The following CLDN10 variants were observed in gnomAD, a reference collection of about 807,000 sequenced individuals.
CLDN10 encodes the protein claudin-10.
In CLDN10, 15 loss-of-function variants were observed where a neutral mutation model predicts 22.9. The observed-to-expected ratio is 0.65, with a 90% confidence interval of 0.44 to 1.01. CLDN10 has a LOEUF of 1.01. CLDN10 is among the 50% of genes least tolerant of loss of function. The pLI is 0.00. For synonymous variants in CLDN10, 114 were observed against 111.4 expected (o/e 1.02, Z -0.15); for missense variants, 247 against 287.8 (o/e 0.86, Z 1.03).
At chr13:95,556,041 G>A (rs1486780081) in intron 1 of CLDN10, among the ~76,000 whole-genome samples, 1 of 151,840 alleles carries the variant, frequency 6.6e-6, no homozygotes, top group Non-Finnish European at 1.5e-5. Context: ...TCATTATTCT[G>A]AATTTCTTTT....
intron 1 of CLDN10, among the ~76,000 whole-genome samples, chr13:95,525,574 C>T (rs963001156): frequency 6.6e-6 from 1 of 152,120 alleles, no homozygotes; most frequent in Non-Finnish European, 1.5e-5. Context: ...CTCACTGCAA[C>T]CTCCACCTCC....
At chr13:95,564,467 T>A (rs936928663) in intron 3 of CLDN10, among the ~76,000 whole-genome samples, 2 of 152,230 alleles carry the variant, frequency 1.3e-5, no homozygotes, top group Non-Finnish European at 2.9e-5. Flanking sequence ...ACTTGTCACA[T>A]GTTCTAGTTT....
At chr13:95,462,696 G>A (rs1594535216) in intron 1 of CLDN10, among the ~76,000 whole-genome samples, 1 of 151,878 alleles carries the variant, frequency 6.6e-6, no homozygotes, top group African/African-American at 2.4e-5. Flanking sequence ...TGGAGAAGAA[G>A]ACAAAAAACA....
At chr13:95,540,984 T>C (rs1200662258) in intron 1 of CLDN10, among the ~76,000 whole-genome samples, 1 of 152,246 alleles carries the variant, frequency 6.6e-6, no homozygotes, top group Non-Finnish European at 1.5e-5. Context: ...AGTTGACAAG[T>C]ATGTGACTTG....
intron 1 of CLDN10, among the ~76,000 whole-genome samples, chr13:95,506,487 G>T (rs989201429): frequency 6.6e-6 from 1 of 152,104 alleles, no homozygotes; most frequent in African/African-American, 2.4e-5. Context: ...GCCCTCTACT[G>T]CCTCTCTTCT....
intron 1 of CLDN10, among the ~76,000 whole-genome samples, chr13:95,513,408 A>G (rs1172774851): frequency 1.3e-5 from 2 of 152,202 alleles, no homozygotes; most frequent in Non-Finnish European, 2.9e-5. Context: ...AATTAACATA[A>G]TGACTAAAAA....
At chr13:95,488,310 A>G (rs2042828160) in intron 1 of CLDN10, among the ~76,000 whole-genome samples, 1 of 151,286 alleles carries the variant, frequency 6.6e-6, no homozygotes, top group Admixed American at 6.6e-5. Flanking sequence ...CCAATGTAAT[A>G]GAATTACAGG....
intron 1 of CLDN10, among the ~76,000 whole-genome samples, chr13:95,546,313 C>T (rs529489263): frequency 1.6e-4 from 24 of 152,036 alleles, no homozygotes; most frequent in Non-Finnish European, 3.4e-4. Flanking sequence ...CACATTGAAA[C>T]CTCACCTCCA....
At chr13:95,453,074 T>C (rs1337868197) in intron 1 of CLDN10, among the ~76,000 whole-genome samples, 2 of 152,196 alleles carry the variant, frequency 1.3e-5, no homozygotes, top group African/African-American at 4.8e-5. Flanking sequence ...GTTTTTGGTT[T>C]TGTTTTGTTT....
chr13:95,571,531 G>C (rs1375305032), intron 3 of CLDN10, among the ~76,000 whole-genome samples: 1 of 152,168 alleles, frequency 6.6e-6, no homozygotes, highest in Non-Finnish European at 1.5e-5. Flanking sequence ...AGAGGGGGAG[G>C]CTGAGCGTCT....
At chr13:95,529,508 C>T (rs1437515203) in intron 1 of CLDN10, among the ~76,000 whole-genome samples, 1 of 152,028 alleles carries the variant, frequency 6.6e-6, no homozygotes, top group Admixed American at 6.6e-5. Context: ...GAACTTCAGT[C>T]CTTTGCAGTA....
At chr13:95,450,633 A>G (rs1352320521) in intron 1 of CLDN10, among the ~76,000 whole-genome samples, 4 of 152,200 alleles carry the variant, frequency 2.6e-5, no homozygotes, top group African/African-American at 9.6e-5. Flanking sequence ...TCCGCAGCAC[A>G]TAAGGCCCAT....
At chr13:95,481,204 C>T (rs1293378623) in intron 1 of CLDN10, among the ~76,000 whole-genome samples, 1 of 152,200 alleles carries the variant, frequency 6.6e-6, no homozygotes, top group Non-Finnish European at 1.5e-5. Flanking sequence ...CAGGAGGACG[C>T]ATGCCCTTGA....
intron 1 of CLDN10, among the ~76,000 whole-genome samples, chr13:95,525,361 AGTT>A (rs766554242): frequency 6.6e-6 from 1 of 151,840 alleles, no homozygotes; most frequent in Non-Finnish European, 1.5e-5. Context: ...TTTATTATTG[AGTT>A]GTAAGAGTTC....
chr13:95,469,288 G>C (rs924721388), intron 1 of CLDN10, among the ~76,000 whole-genome samples: 1 of 152,146 alleles, frequency 6.6e-6, no homozygotes, highest in Non-Finnish European at 1.5e-5. Context: ...ATTATGATCT[G>C]AGTGATGTAG....
chr13:95,570,854 G>GTC (rs2043846263), intron 3 of CLDN10, among the ~76,000 whole-genome samples: 1 of 9,954 alleles, frequency 1.0e-4, no homozygotes, highest in Non-Finnish European at 3.7e-4. Context: ...ACACATATAC[G>GTC]TGTGTATATA....
chr13:95,503,253 T>A (rs2043004876), intron 1 of CLDN10, among the ~76,000 whole-genome samples: 1 of 152,178 alleles, frequency 6.6e-6, no homozygotes, highest in Admixed American at 6.5e-5. Context: ...CAAGAGTGAA[T>A]GTGTTTACCA....
intron 3 of CLDN10, among the ~76,000 whole-genome samples, chr13:95,576,970 T>C (rs1024261927): frequency 3.3e-5 from 5 of 152,340 alleles, no homozygotes; most frequent in East Asian, 3.9e-4. Flanking sequence ...CAGGAGACCC[T>C]GGCTGTGACT....
chr13:95,500,500 G>C (rs917506256), intron 1 of CLDN10, among the ~76,000 whole-genome samples: 1 of 152,212 alleles, frequency 6.6e-6, no homozygotes, highest in African/African-American at 2.4e-5. Context: ...AGTGAGGGTG[G>C]AGTGGGAGGA....
Sources: allele counts gnomAD v4.1 joint callset (sites outside exome capture counted in the v4.1 genomes callset), GRCh38; gene constraint gnomAD v4.1.1; transcripts MANE v1.5; gene names NCBI Gene and HGNC (gene_info 2026-07-23, HGNC 2026-07-21).